COL8A1: variants seen among roughly 807,000 people sequenced by gnomAD.
The protein encoded by COL8A1 is collagen alpha-1(VIII) chain.
Under a neutral mutation model 42.7 loss-of-function variants are expected in COL8A1, and 21 were observed. The observed-to-expected ratio is 0.49, with a 90% CI of 0.35 to 0.71. COL8A1 has a LOEUF of 0.71. Among genes scored for constraint, COL8A1 ranks in the 30% least tolerant of loss-of-function variants. COL8A1 has a pLI of 0.01. For missense variants in COL8A1, 788 were observed against 962.4 expected (o/e 0.82, Z 2.40); for synonymous variants, 367 against 369.1 (o/e 0.99, Z 0.06).
chr3:99,641,039 A>G (rs555638683), intron 1 of COL8A1, among the ~76,000 whole-genome samples: 2 of 152,174 alleles, frequency 1.3e-5, no homozygotes, highest in African/African-American at 2.4e-5. Flanking sequence ...TCCTACAGAA[A>G]TGTGCATTTT....
chr3:99,641,212 G>A (rs926331814), intron 1 of COL8A1, among the ~76,000 whole-genome samples: 5 of 152,134 alleles, frequency 3.3e-5, no homozygotes, highest in Non-Finnish European at 5.9e-5. Flanking sequence ...TGCCCTAGGA[G>A]AAAAGCAAGA....
Position 99,795,866 on chromosome 3 carries a change from T to C in COL8A1, c.1965T>C (p.Cys655=). ...NYNPQTGIFT[C]EVPGVYYFAY... ...ACCCGCAGACAGGCATCTTCACCTGTGAGGTCCCTGGTGTCTACTACTTTG... is the reference window on the plus strand; with the variant it reads ...ACCCGCAGACAGGCATCTTCACCTGCGAGGTCCCTGGTGTCTACTACTTTG... The change falls in exon 4 of 4, where the codon TGT becomes TGC. Residue 655 remains cysteine, a synonymous_variant. Transcript: ENST00000652472. 6.2e-7 allele frequency: 1 copy of C among 1,613,988 alleles called. No individual in the cohort carries two copies.
chr3:99,701,207 G>C (rs1366232332), intron 1 of COL8A1, among the ~76,000 whole-genome samples: 1 of 152,134 alleles, frequency 6.6e-6, no homozygotes, highest in African/African-American at 2.4e-5. Flanking sequence ...GATCAGTCTT[G>C]AATTCATTTG....
intron 2 of COL8A1, among the ~76,000 whole-genome samples, chr3:99,751,248 A>C (rs979043168): frequency 2.6e-5 from 4 of 152,160 alleles, no homozygotes; most frequent in Non-Finnish European, 4.4e-5. Flanking sequence ...CAGATGAGAA[A>C]GTAGGAACAG....
chr3:99,670,838 A>G (rs13081022), intron 1 of COL8A1, among the ~76,000 whole-genome samples: 14,469 of 151,878 alleles, frequency 0.095, 858 homozygotes, highest in Middle Eastern at 0.12. Flanking sequence ...TAGAGTCCAC[A>G]TATATATCTA....
At chr3:99,731,650 T>C (rs1191264910) in intron 1 of COL8A1, among the ~76,000 whole-genome samples, 1 of 152,116 alleles carries the variant, frequency 6.6e-6, no homozygotes, top group African/African-American at 2.4e-5. Flanking sequence ...AGTAGAGGTG[T>C]GTTTAAGGCA....
At chr3:99,651,200 A>G (rs1450779845) in intron 1 of COL8A1, among the ~76,000 whole-genome samples, 1 of 152,180 alleles carries the variant, frequency 6.6e-6, no homozygotes, top group Non-Finnish European at 1.5e-5. Context: ...ATTCATTACC[A>G]TCTCATTTCT....
At chr3:99,767,769 G>A (rs1264976168) in intron 2 of COL8A1, among the ~76,000 whole-genome samples, 1 of 152,138 alleles carries the variant, frequency 6.6e-6, no homozygotes, top group Non-Finnish European at 1.5e-5. Context: ...AAGGTATAGA[G>A]GTGTAAGATA....
intron 1 of COL8A1, among the ~76,000 whole-genome samples, chr3:99,692,785 A>T (rs899554803): frequency 6.6e-6 from 1 of 152,254 alleles, no homozygotes; most frequent in African/African-American, 2.4e-5. Context: ...TAGCCATTGT[A>T]ACATCATAAC....
chr3:99,721,384 A>AG (rs1940148366), intron 1 of COL8A1, among the ~76,000 whole-genome samples: 1 of 146,750 alleles, frequency 6.8e-6, no homozygotes, highest in Non-Finnish European at 1.5e-5. Context: ...AAAAAAAAAA[A>AG]GAAAGGAAAG....
chr3:99,671,828 C>T (rs1938555145), intron 1 of COL8A1, among the ~76,000 whole-genome samples: 1 of 151,856 alleles, frequency 6.6e-6, no homozygotes, highest in Non-Finnish European at 1.5e-5. Flanking sequence ...TGTATATATC[C>T]AAAGAGAATG....
At chr3:99,664,669 G>T (rs1163439273) in intron 1 of COL8A1, among the ~76,000 whole-genome samples, 2 of 152,114 alleles carry the variant, frequency 1.3e-5, no homozygotes, top group African/African-American at 2.4e-5. Flanking sequence ...TGGAGACCTA[G>T]GTCCTCAAGT....
At position 99,794,869 on chromosome 3, in the gene COL8A1, T is replaced by C. The variant is rs1160730151; in HGVS notation, c.968T>C (p.Ile323Thr). ...PGIGKPGQDG[I>T]PGQPGFPGGK... ...ATTGGAAAGCCAGGCCAGGATGGGATCCCAGGCCAGCCAGGATTTCCAGGT... is the reference window on the plus strand; with the variant it reads ...ATTGGAAAGCCAGGCCAGGATGGGACCCCAGGCCAGCCAGGATTTCCAGGT... Residue 323 changes from isoleucine (I) to threonine (T), a missense_variant, in exon 4 of 4, where the codon ATC (isoleucine) becomes ACC (threonine). Coordinates refer to ENST00000652472, the MANE Select transcript of COL8A1 (RefSeq NM_020351.4). The surrounding 1 kb of genome is among the most constrained non-coding windows in gnomAD (Gnocchi z 4.3). 6.2e-7 allele frequency: 1 copy of C among 1,610,230 alleles called. No individual in the cohort carries two copies. The highest frequency in any genetic ancestry group is 8.5e-7 in the Non-Finnish European group (1 of 1,178,412).
chr3:99,674,414 C>G (rs2107316540), intron 1 of COL8A1, among the ~76,000 whole-genome samples: 1 of 151,452 alleles, frequency 6.6e-6, no homozygotes, highest in East Asian at 2.0e-4. Context: ...TTTAATATAC[C>G]TTTGAGATAA....
chr3:99,684,942 T>C, intron 1 of COL8A1, among the ~76,000 whole-genome samples: 1 of 152,200 alleles, frequency 6.6e-6, no homozygotes, highest in East Asian at 1.9e-4. Context: ...ATGAAAGGCA[T>C]TGCTTTTCTA....
Position 99,654,014 on chromosome 3 carries a change from G to A in COL8A1, c.-129+15350G>A, listed in dbSNP as rs139040390. Among the ~76,000 whole-genome samples the A allele has an allele frequency of 3.7e-3, 566 of 152,306 alleles. 5 individuals are homozygous for A. Among genetic ancestry groups the A allele is most frequent in the African/African-American group, 0.013 (533 of 41,560 alleles). On this transcript the variant is annotated intron_variant, in intron 1 of 3. Coordinates refer to ENST00000652472, the MANE Select transcript of COL8A1 (RefSeq NM_020351.4). ...CCAAAACCTCAAAAGTAGGGAGGCG[G>A]ACAGTGCAGCCTTCAGTCTGTGGCC...
At chr3:99,644,082 C>T (rs1300142351) in intron 1 of COL8A1, among the ~76,000 whole-genome samples, 1 of 152,102 alleles carries the variant, frequency 6.6e-6, no homozygotes, top group Non-Finnish European at 1.5e-5. Context: ...TCCTCTGAAA[C>T]AGAGGAGGGA....
intron 1 of COL8A1, among the ~76,000 whole-genome samples, chr3:99,700,755 G>A (rs1939513056): frequency 6.6e-6 from 1 of 152,134 alleles, no homozygotes; most frequent in Admixed American, 6.5e-5. Flanking sequence ...ACTTAGACAT[G>A]CTGTCACTAC....
intron 1 of COL8A1, among the ~76,000 whole-genome samples, chr3:99,728,812 C>T (rs2107380696): frequency 6.6e-6 from 1 of 152,062 alleles, no homozygotes; most frequent in African/African-American, 2.4e-5. Context: ...CCACTTACTT[C>T]ACTCTTTTTG....
Sources: gnomAD v4.1 joint callset for allele counts (sites outside exome capture counted in the v4.1 genomes callset) on GRCh38, gnomAD v4.1.1 for gene constraint, Gnocchi (gnomAD v3.1) non-coding constraint, MANE v1.5 for transcripts, NCBI Gene and HGNC (gene_info 2026-07-23, HGNC 2026-07-21) for gene names.